IQCH: variants seen among roughly 807,000 people sequenced by gnomAD.
IQCH encodes IQ motif containing H.
Under a neutral mutation model 117.0 loss-of-function variants are expected in IQCH, and 98 were observed. The observed-to-expected ratio is 0.84, with a 90% CI of 0.71 to 0.99. The LOEUF (loss-of-function observed/expected upper bound fraction) is 0.99. IQCH is among the 50% of genes least tolerant of loss of function. IQCH has a pLI of 0.00. For synonymous variants in IQCH, 412 were observed against 448.2 expected, an observed-to-expected ratio of 0.92 and a Z score of 1.02; for missense variants, 1,102 against 1,243.8, an observed-to-expected ratio of 0.89 and a Z score of 1.72.
At chr15:67,368,403 T>C (rs1970408706) in intron 8 of IQCH, among the ~76,000 whole-genome samples, 2 of 152,196 alleles carry the variant, frequency 1.3e-5, no homozygotes, top group Non-Finnish European at 2.9e-5. Flanking sequence ...GCTCAACACA[T>C]TGTGGACCCT....
intron 4 of IQCH, chr15:67,306,726 A>T: frequency 1.2e-6 from 1 of 834,852 alleles, no homozygotes; most frequent in South Asian, 1.5e-5. Context: ...ATGTAAAATC[A>T]ATTTACCAAA....
At chr15:67,288,739 A>T (rs1966653430) in intron 4 of IQCH, among the ~76,000 whole-genome samples, 1 of 152,086 alleles carries the variant, frequency 6.6e-6, no homozygotes, top group African/African-American at 2.4e-5. Context: ...GTCCATTTAC[A>T]TTCAAAGTTA....
At chr15:67,455,608 G>A (rs1334057975) in intron 16 of IQCH, among the ~76,000 whole-genome samples, 1 of 152,174 alleles carries the variant, frequency 6.6e-6, no homozygotes, top group East Asian at 1.9e-4. Context: ...ACCGAGAGAG[G>A]ATTTTGCTTT....
intron 8 of IQCH, chr15:67,360,162 T>C: frequency 2.6e-6 from 1 of 381,814 alleles, no homozygotes; most frequent in Non-Finnish European, 4.6e-6. Flanking sequence ...TTTGGCTGAA[T>C]CACATCAATC....
intron 6 of IQCH, among the ~76,000 whole-genome samples, chr15:67,349,207 G>C (rs1400819723): frequency 1.3e-5 from 2 of 152,170 alleles, no homozygotes; most frequent in East Asian, 1.9e-4. Flanking sequence ...TTAGGCAAAG[G>C]TTTCTTACGT....
In IQCH at chr15:67,427,631, A is replaced by C. The variant is rs867878569; in HGVS notation, c.2505+6054A>C. On this transcript the variant is annotated intron_variant, in intron 16 of 20. Coordinates refer to ENST00000335894, the MANE Select transcript of IQCH (RefSeq NM_001031715.3). The surrounding 1 kb of genome is among the most constrained non-coding windows in gnomAD (Gnocchi z 4.7). The stretch of plus-strand genomic sequence containing the variant: ...TTATTTTGCATCTGAGGTAACCTAC[A>C]GTTCAAAACAGTCTTTATTTCAATA... Among the ~76,000 whole-genome samples the C allele has an allele frequency of 6.6e-6, 1 of 152,200 alleles. No individual in the cohort carries two copies. The highest frequency in any genetic ancestry group is 1.5e-5 in the Non-Finnish European group (1 of 68,026).
intron 4 of IQCH, chr15:67,281,494 A>G (rs1966354030): frequency 5.1e-5 from 17 of 336,202 alleles, no homozygotes; most frequent in South Asian, 4.0e-4. Flanking sequence ...AAAACAGGTT[A>G]TAAGAGGGAG....
In IQCH at chr15:67,408,972, T is replaced by C. The variant is rs376236394; in HGVS notation, c.2098-7959T>C. The stretch of plus-strand genomic sequence containing the variant: ...TAATTTCCTTAAAACCATTTTCCAA[T>C]GTTAAAAACGTTTCTAAAACACCAG... On this transcript the variant is annotated intron_variant, in intron 14 of 20. Transcript: ENST00000335894. This position sits in a 1 kb window ranked among gnomAD's most constrained non-coding sequence, Gnocchi z 4.2. Among the ~76,000 whole-genome samples the C allele has an allele frequency of 6.6e-6, 1 of 152,224 alleles. No homozygotes were observed. The highest frequency in any genetic ancestry group is 2.4e-5 in the African/African-American group (1 of 41,462).
rs924684644 is a variant in IQCH at position 67,385,694 on chromosome 15, C to T, written c.1456+675C>T. Among the ~76,000 whole-genome samples, 1 of 151,946 alleles carries T rather than the reference C, an allele frequency of 6.6e-6. No homozygotes were observed. The highest frequency in any genetic ancestry group is 2.4e-5 in the African/African-American group (1 of 41,358). Reference sequence around the variant, plus strand: ...TTGACACTGTTCAAGGCCCGGGTTCCGATTAGGCTCTAAGAATATAGGTTG... The same window carrying T: ...TTGACACTGTTCAAGGCCCGGGTTCTGATTAGGCTCTAAGAATATAGGTTG... On this transcript the variant is annotated intron_variant, in intron 11 of 20. Coordinates refer to ENST00000335894, the MANE Select transcript of IQCH (RefSeq NM_001031715.3). This position sits in a 1 kb window ranked among gnomAD's most constrained non-coding sequence, Gnocchi z 4.6.
At chr15:67,340,723 A>G (rs562620357) in intron 5 of IQCH, among the ~76,000 whole-genome samples, 1 of 152,222 alleles carries the variant, frequency 6.6e-6, no homozygotes, top group Non-Finnish European at 1.5e-5. Flanking sequence ...TTCAATTTAT[A>G]TAAACACTTA....
rs923195725 is a variant in IQCH, at chr15:67,405,329, T to G, written c.2097+5024T>G. ...TTAGTGGTTGCCAGAACACTGAGATTAAGCATTTTGTAGATCTATGAATGC... is the reference window on the plus strand; with the variant it reads ...TTAGTGGTTGCCAGAACACTGAGATGAAGCATTTTGTAGATCTATGAATGC... On this transcript the variant is annotated intron_variant, in intron 14 of 20. Transcript: ENST00000335894. This position sits in a 1 kb window ranked among gnomAD's most constrained non-coding sequence, Gnocchi z 4.8. 6.6e-6 allele frequency: 1 copy of G among 152,292 alleles called. No individual in the cohort carries two copies. Among genetic ancestry groups the G allele is most frequent in the Non-Finnish European group, 1.5e-5 (1 of 68,058 alleles). 9.4% of individuals were successfully genotyped at this position (152,292 alleles called of 1,614,324 possible).
Position 67,411,263 on chromosome 15 carries a change from CG to C in IQCH, c.2098-5666del, listed in dbSNP as rs891784210. 6.6e-6 allele frequency among the ~76,000 whole-genome samples: 1 copy of C among 152,106 alleles called. No homozygotes were observed. Among genetic ancestry groups the C allele is most frequent in the African/African-American group, 2.4e-5 (1 of 41,412 alleles). The stretch of plus-strand genomic sequence containing the variant: ...TTACACTCTGAAGAGGCAGCAGGGC[CG>C]GTGGGGAGCACTTACCCAGGAGTCA... On this transcript the variant is annotated intron_variant, in intron 14 of 20. Coordinates refer to ENST00000335894, the MANE Select transcript of IQCH (RefSeq NM_001031715.3). This position sits in a 1 kb window ranked among gnomAD's most constrained non-coding sequence, Gnocchi z 4.4.
intron 1 of IQCH, among the ~76,000 whole-genome samples, chr15:67,259,040 T>C (rs1965349314): frequency 6.6e-6 from 1 of 152,238 alleles, no homozygotes; most frequent in Non-Finnish European, 1.5e-5. Context: ...AACATTTACG[T>C]AAATTCAATT....
chr15:67,290,141 C>T (rs1966702588), intron 4 of IQCH, among the ~76,000 whole-genome samples: 3 of 151,902 alleles, frequency 2.0e-5, no homozygotes, highest in Admixed American at 1.3e-4. Context: ...TCATATTTTC[C>T]GTAACTTAAT....
intron 1 of IQCH, among the ~76,000 whole-genome samples, chr15:67,256,715 A>G (rs895232291): frequency 1.3e-5 from 2 of 152,226 alleles, no homozygotes; most frequent in Non-Finnish European, 2.9e-5. Flanking sequence ...AGTAATAGAT[A>G]ACTGTTGACA....
At chr15:67,468,700 C>T (rs1053029016) in intron 17 of IQCH, among the ~76,000 whole-genome samples, 10 of 152,224 alleles carry the variant, frequency 6.6e-5, no homozygotes, top group African/African-American at 1.2e-4. Context: ...TTCAAGTTTA[C>T]GCTTGTTAAA....
Position 67,372,638 on chromosome 15 carries a change from G to A in IQCH, c.1281G>A (p.Leu427=). ...KILKESRQRH[L]ENFRIRAKHL... Reference sequence around the variant, plus strand: ...TAAAGGAATCACGTCAGAGACACCTGGAGAATTTTCGCATTCGAGCCAAGG... The same window carrying A: ...TAAAGGAATCACGTCAGAGACACCTAGAGAATTTTCGCATTCGAGCCAAGG... Residue 427 remains leucine, a synonymous_variant, in exon 9 of 21, where the codon CTG becomes CTA. Coordinates refer to ENST00000335894, the MANE Select transcript of IQCH (RefSeq NM_001031715.3). 1 of 1,606,100 alleles carries A rather than the reference G, an allele frequency of 6.2e-7. No individual in the cohort carries two copies. Among genetic ancestry groups the A allele is most frequent in the South Asian group, 1.1e-5 (1 of 89,920 alleles).
chr15:67,269,947 G>A (rs1209541803), intron 3 of IQCH, among the ~76,000 whole-genome samples: 1 of 152,088 alleles, frequency 6.6e-6, no homozygotes, highest in African/African-American at 2.4e-5. Flanking sequence ...AGTAAACATG[G>A]GACTGGAAAT....
intron 16 of IQCH, among the ~76,000 whole-genome samples, chr15:67,455,113 T>G (rs1046015715): frequency 6.6e-6 from 1 of 152,200 alleles, no homozygotes; most frequent in Non-Finnish European, 1.5e-5. Flanking sequence ...TGAAGGAGCA[T>G]CTCTTATCTG....
Sources: gnomAD v4.1 joint callset for allele counts (sites outside exome capture counted in the v4.1 genomes callset) on GRCh38, gnomAD v4.1.1 for gene constraint, Gnocchi (gnomAD v3.1) non-coding constraint, MANE v1.5 for transcripts, NCBI Gene and HGNC (gene_info 2026-07-23, HGNC 2026-07-21) for gene names.